The following ATP9A variants were observed in gnomAD, a reference collection of about 807,000 sequenced individuals.
ATP9A encodes the protein probable phospholipid-transporting ATPase IIA.
Under a neutral mutation model 144.1 loss-of-function variants are expected in ATP9A, and 52 were observed. The ratio of observed to expected loss-of-function variants is 0.36; its 90% CI spans 0.29 to 0.45. The LOEUF is 0.45. Among genes scored for constraint, ATP9A ranks in the 20% least tolerant of loss-of-function variants. The probability of loss-of-function intolerance (pLI) is 1.00; values close to 1 mark genes in which losing one functional copy is unlikely to be tolerated. For synonymous variants in ATP9A, 582 were observed against 557.4 expected (o/e 1.04, Z -0.62); for missense variants, 947 against 1,392.7 (o/e 0.68, Z 5.09).
At chr20:51,687,179 G>A (rs544530113) in intron 9 of ATP9A, among the ~76,000 whole-genome samples, 3 of 151,070 alleles carry the variant, frequency 2.0e-5, no homozygotes, top group Admixed American at 2.0e-4. Context: ...TCTGCATGCT[G>A]CGTCCCCTGG....
intron 15 of ATP9A, among the ~76,000 whole-genome samples, chr20:51,638,649 G>A (rs2077305637): frequency 6.6e-6 from 1 of 152,082 alleles, no homozygotes; most frequent in Non-Finnish European, 1.5e-5. Context: ...AATCGGTTGA[G>A]GCCAGGAGTT....
chr20:51,685,663 G>A (rs1368971223), intron 9 of ATP9A, among the ~76,000 whole-genome samples: 1 of 152,152 alleles, frequency 6.6e-6, no homozygotes, highest in Non-Finnish European at 1.5e-5. Flanking sequence ...AAACCACAAT[G>A]AGATACCATC....
chr20:51,725,834 G>C lies in ATP9A; in HGVS notation c.312C>G (p.Thr104=). The C allele has an allele frequency of 6.2e-7, 1 of 1,604,230 alleles. No individual in the cohort carries two copies. Reference sequence around the variant, plus strand: ...ATTAACTTACCAGGGGAACCCAGTAGGTATAGAGTGCACCAAGTCTCATTT... The same window carrying C: ...ATTAACTTACCAGGGGAACCCAGTACGTATAGAGTGCACCAAGTCTCATTT... ...VPEMRLGALY[T]YWVPLGFVLA... is the part of the protein sequence containing the mutation. The change falls in exon 3 of 28, where the codon ACC becomes ACG. Residue 104 remains threonine, a synonymous_variant. Transcript: ENST00000338821.
In ATP9A at chr20:51,708,095, C is replaced by T. The variant is rs1260716790; in HGVS notation, c.436+4871G>A. ...GATAGCTAATTTGATTATCAAAGTA[C>T]TTCAAATACATTTTATTAAGCCATG... On this transcript the variant is annotated intron_variant, in intron 4 of 27. Coordinates refer to ENST00000338821, the MANE Select transcript of ATP9A (RefSeq NM_006045.3). 4.6e-5 allele frequency among the ~76,000 whole-genome samples: 7 copies of T among 152,058 alleles called. No individual in the cohort carries two copies. The South Asian group carries it at 1.5e-3, about 32-fold the overall frequency.
chr20:51,642,587 C>T (rs983336074), intron 14 of ATP9A, among the ~76,000 whole-genome samples: 41 of 151,678 alleles, frequency 2.7e-4, no homozygotes, highest in African/African-American at 9.7e-4. Flanking sequence ...GCTGCGGAGG[C>T]TCTAGGGGAG....
At chr20:51,681,765 C>T (rs2077500809) in intron 9 of ATP9A, among the ~76,000 whole-genome samples, 1 of 152,192 alleles carries the variant, frequency 6.6e-6, no homozygotes, top group South Asian at 2.1e-4. Flanking sequence ...ATGTTGTGGG[C>T]ACATGCATCT....
intron 12 of ATP9A, 85 bp from the exon 13 acceptor site, chr20:51,670,194 G>C (rs1226185695): frequency 9.2e-7 from 1 of 1,087,566 alleles, no homozygotes; most frequent in African/African-American, 1.5e-5. Flanking sequence ...CATCTTTGGA[G>C]AGTTTGCCCT....
intron 23 of ATP9A, 48 bp downstream of exon 23, chr20:51,613,629 A>G (rs375446260): frequency 1.7e-4 from 257 of 1,548,710 alleles, no homozygotes; most frequent in Non-Finnish European, 2.1e-4. Flanking sequence ...ACCCACCTAC[A>G]TGGTATAGCC....
intron 4 of ATP9A, 103 bp from the exon 5 acceptor site, chr20:51,697,585 T>G: frequency 9.8e-7 from 1 of 1,025,566 alleles, no homozygotes. Flanking sequence ...CACCCAGAAG[T>G]ACACGCTCCC....
chr20:51,765,669 T>A (rs914728353), intron 1 of ATP9A, among the ~76,000 whole-genome samples: 28 of 110,134 alleles, frequency 2.5e-4, no homozygotes, highest in African/African-American at 7.7e-4. Context: ...ATTAGATTAG[T>A]TCCAGGCCAA....
At chr20:51,688,606 GAA>G (rs75323569) in intron 9 of ATP9A, among the ~76,000 whole-genome samples, 1 of 149,972 alleles carries the variant, frequency 6.7e-6, no homozygotes. Context: ...AAAGAGAAAA[GAA>G]AAAAAAAGAG....
intron 6 of ATP9A, 110 bp from the exon 7 acceptor site, chr20:51,694,212 G>A (rs1025561762): frequency 3.8e-5 from 27 of 711,908 alleles, no homozygotes; most frequent in East Asian, 2.0e-4. Context: ...AATGGCCAGC[G>A]ACCACAAGAG....
Position 51,738,812 on chromosome 20 carries a change from G to A in ATP9A, c.69-8834C>T, listed in dbSNP as rs138873478. ...GAATGCTGGAGGGAGGCTGGGCGCGGTGGCTCACGCCTGTAATCCCAGCAC... is the reference window on the plus strand; with the variant it reads ...GAATGCTGGAGGGAGGCTGGGCGCGATGGCTCACGCCTGTAATCCCAGCAC... On this transcript the variant is annotated intron_variant, in intron 1 of 27. Coordinates refer to ENST00000338821, the MANE Select transcript of ATP9A (RefSeq NM_006045.3). Among the ~76,000 whole-genome samples, 590 of 152,262 alleles carry A rather than the reference G, an allele frequency of 3.9e-3. 9 individuals carry two copies. The highest frequency in any genetic ancestry group is 0.013 in the African/African-American group (559 of 41,548).
chr20:51,757,072 G>A (rs2077859781), intron 1 of ATP9A, among the ~76,000 whole-genome samples: 1 of 152,166 alleles, frequency 6.6e-6, no homozygotes, highest in African/African-American at 2.4e-5. Flanking sequence ...AAGGTGGGGA[G>A]GGGATGGCAC....
rs765733889 is a variant in ATP9A at position 51,639,363 on chromosome 20, G to A, written c.1648C>T (p.Arg550Cys). 1.9e-6 allele frequency: 3 copies of A among 1,613,770 alleles called. No individual in the cohort carries two copies. The highest frequency in any genetic ancestry group is 1.1e-5 in the South Asian group (1 of 91,030). The change falls in exon 15 of 28, where the codon CGT becomes TGT. Residue 550 changes from arginine to cysteine, a missense_variant. Transcript: ENST00000338821. Reference sequence around the variant, plus strand: ...CTCACCCGCACGATGATGCCCATACGTTTGCTTTCATAGGTGAAAGGGAAG... The same window carrying A: ...CTCACCCGCACGATGATGCCCATACATTTGCTTTCATAGGTGAAAGGGAAG... ...QIFPFTYESKRMGIIVRDEST... is the reference protein window; with the variant it reads ...QIFPFTYESKCMGIIVRDEST...
At chr20:51,763,145 G>A (rs1015109935) in intron 1 of ATP9A, among the ~76,000 whole-genome samples, 20 of 152,124 alleles carry the variant, frequency 1.3e-4, no homozygotes, top group Non-Finnish European at 2.8e-4. Flanking sequence ...CAAACCTATG[G>A]AATCAGAAAG....
intron 1 of ATP9A, among the ~76,000 whole-genome samples, chr20:51,762,180 T>A (rs1243097346): frequency 6.6e-6 from 1 of 151,974 alleles, no homozygotes; most frequent in East Asian, 1.9e-4. Context: ...GCTTGGCCAA[T>A]ACGGTGAAGC....
At chr20:51,638,626 T>G (rs1366925397) in intron 15 of ATP9A, among the ~76,000 whole-genome samples, 2 of 151,682 alleles carry the variant, frequency 1.3e-5, no homozygotes, top group African/African-American at 4.8e-5. Flanking sequence ...ACTTTGGGAG[T>G]CCCAGGCAGG....
intron 17 of ATP9A, among the ~76,000 whole-genome samples, chr20:51,626,693 G>C (rs2077250278): frequency 4.0e-5 from 6 of 151,310 alleles, no homozygotes; most frequent in Admixed American, 4.0e-4. Context: ...GGCTCCAAGA[G>C]AATGATTTAT....
Sources: allele counts gnomAD v4.1 joint callset (sites outside exome capture counted in the v4.1 genomes callset), GRCh38; gene constraint gnomAD v4.1.1; transcripts MANE v1.5; gene names NCBI Gene and HGNC (gene_info 2026-07-23, HGNC 2026-07-21).